The following RALGPS2 variants were observed in gnomAD, a reference collection of about 807,000 sequenced individuals.
RALGPS2 encodes the protein Ral GEF with PH domain and SH3 binding motif 2.
A neutral mutation model predicts 86.8 loss-of-function variants in RALGPS2; 43 were observed. That is an observed-to-expected ratio of 0.50 (90% CI 0.39 to 0.64). RALGPS2 has a LOEUF of 0.64. Among genes scored for constraint, RALGPS2 ranks in the 30% least tolerant of loss-of-function variants. RALGPS2 has a pLI of 0.00. For missense variants in RALGPS2, 536 were observed against 694.6 expected (o/e 0.77, Z 2.57); for synonymous variants, 243 against 231.3 (o/e 1.05, Z -0.46).
chr1:178,744,088 G>A (rs1331392730), intron 1 of RALGPS2, among the ~76,000 whole-genome samples: 1 of 152,100 alleles, frequency 6.6e-6, no homozygotes, highest in African/African-American at 2.4e-5. Flanking sequence ...ACTCACATGA[G>A]CATACATACA....
intron 1 of RALGPS2, among the ~76,000 whole-genome samples, chr1:178,771,471 C>T (rs1357001338): frequency 4.6e-5 from 7 of 152,196 alleles, no homozygotes; most frequent in Non-Finnish European, 1.0e-4. Flanking sequence ...GGAGTATCAT[C>T]ACATCCAGAG....
rs562837207 is a variant in RALGPS2, at chr1:178,833,767, A to G, written c.607+217A>G. 2.0e-5 allele frequency among the ~76,000 whole-genome samples: 3 copies of G among 152,276 alleles called. No individual in the cohort carries two copies. The East Asian group carries it at 5.8e-4, about 29-fold the overall frequency. ...GCCTTTTGCCCTCAAGGTTTTTCTT[A>G]GACTATTATGTTTTCTTAGAGTAGG... On this transcript the variant is annotated intron_variant, in intron 8 of 19. Coordinates refer to ENST00000367635, the MANE Select transcript of RALGPS2 (RefSeq NM_152663.5).
At position 178,764,710 on chromosome 1, in the gene RALGPS2, G is replaced by A. The variant is rs146262387; in HGVS notation, c.-83-11972G>A. 5.1e-3 allele frequency among the ~76,000 whole-genome samples: 781 copies of A among 152,144 alleles called. 9 individuals carry two copies. The highest frequency in any genetic ancestry group is 0.018 in the African/African-American group (744 of 41,488). ...CTGAAACAGATATTATTTCTTCTTC[G>A]CTTATGAAGCTTAGTTTGGCTAGAT... On this transcript the variant is annotated intron_variant, in intron 1 of 19. Transcript: ENST00000367635.
At chr1:178,729,055 C>T (rs1650191391) in intron 1 of RALGPS2, among the ~76,000 whole-genome samples, 1 of 152,138 alleles carries the variant, frequency 6.6e-6, no homozygotes, top group African/African-American at 2.4e-5. Flanking sequence ...ACTTTTGGTA[C>T]TGGCTTTTGA....
At chr1:178,849,156 C>T (rs1657024547) in intron 8 of RALGPS2, among the ~76,000 whole-genome samples, 4 of 152,178 alleles carry the variant, frequency 2.6e-5, no homozygotes, top group Admixed American at 2.6e-4. Context: ...TTTATAGATT[C>T]AGGCTGAGAT....
chr1:178,768,930 G>A (rs1434786283), intron 1 of RALGPS2, among the ~76,000 whole-genome samples: 2 of 152,220 alleles, frequency 1.3e-5, no homozygotes, highest in South Asian at 2.1e-4. Context: ...TGGGCATGGA[G>A]CAGAGATAGC....
At chr1:178,734,142 A>C (rs1479709013) in intron 1 of RALGPS2, among the ~76,000 whole-genome samples, 2 of 152,360 alleles carry the variant, frequency 1.3e-5, no homozygotes, top group South Asian at 2.1e-4. Flanking sequence ...CAGGAAAATG[A>C]AATCAAAACC....
At chr1:178,815,080 T>TTTTA (rs1295481425) in intron 6 of RALGPS2, among the ~76,000 whole-genome samples, 1 of 151,896 alleles carries the variant, frequency 6.6e-6, no homozygotes. Context: ...GTTTGTTTGT[T>TTTTA]TTTATTTATT....
At position 178,807,910 on chromosome 1, in the gene RALGPS2, A is replaced by G. The variant is rs1375335452; in HGVS notation, c.214-135A>G. The stretch of plus-strand genomic sequence containing the variant: ...TTTTGTGATCCAACTGAATGGATAT[A>G]ATATTATGTATGTTCCCATTAAATA... On this transcript the variant is annotated intron_variant, in intron 4 of 19. Coordinates refer to ENST00000367635, the MANE Select transcript of RALGPS2 (RefSeq NM_152663.5). 12 of 686,748 alleles carry G rather than the reference A, an allele frequency of 1.7e-5. No homozygotes were observed. In the Admixed American group the frequency reaches 3.3e-4, roughly 19 times the overall value. 42.5% of individuals were successfully genotyped at this position (686,748 alleles called of 1,614,324 possible).
rs374945384 is a variant in RALGPS2 at position 178,892,651 on chromosome 1, G to T, written c.1325+344G>T. Among the ~76,000 whole-genome samples, 5 of 152,160 alleles carry T rather than the reference G, an allele frequency of 3.3e-5. No individual in the cohort carries two copies. The East Asian group carries it at 7.7e-4, about 24-fold the overall frequency. ...TCTTTATTCATAAGTTGTAATCAAA[G>T]CATTTTCTTTGCTAATAAATTTATA... is the stretch of plus-strand genomic sequence containing the variant. On this transcript the variant is annotated intron_variant, in intron 15 of 19. Coordinates refer to ENST00000367635, the MANE Select transcript of RALGPS2 (RefSeq NM_152663.5).
chr1:178,767,101 T>A (rs1652541454), intron 1 of RALGPS2, among the ~76,000 whole-genome samples: 1 of 152,200 alleles, frequency 6.6e-6, no homozygotes, highest in African/African-American at 2.4e-5. Context: ...TCATCTTTTA[T>A]CTCCTGTATT....
chr1:178,896,347 A>G (rs1659937104), intron 16 of RALGPS2, among the ~76,000 whole-genome samples: 1 of 152,058 alleles, frequency 6.6e-6, no homozygotes, highest in Non-Finnish European at 1.5e-5. Flanking sequence ...GAGATGGGTC[A>G]AAGGAGGGAT....
intron 1 of RALGPS2, among the ~76,000 whole-genome samples, chr1:178,757,579 G>A (rs1241262942): frequency 1.3e-5 from 2 of 152,104 alleles, no homozygotes; most frequent in African/African-American, 4.8e-5. Flanking sequence ...TTCTGTTTAT[G>A]TGGTGAATCA....
intron 1 of RALGPS2, among the ~76,000 whole-genome samples, chr1:178,730,382 T>A (rs1471099910): frequency 6.6e-6 from 1 of 152,266 alleles, no homozygotes; most frequent in Non-Finnish European, 1.5e-5. Flanking sequence ...ATGCTTTTGA[T>A]TAAATCAGCA....
At chr1:178,862,249 A>T (rs1658073733) in intron 8 of RALGPS2, among the ~76,000 whole-genome samples, 1 of 152,154 alleles carries the variant, frequency 6.6e-6, no homozygotes, top group Admixed American at 6.5e-5. Context: ...AGAACAGTAT[A>T]AAATGAACAA....
chr1:178,804,318 G>T, intron 4 of RALGPS2, among the ~76,000 whole-genome samples: 1 of 138,788 alleles, frequency 7.2e-6, no homozygotes. Context: ...GGGTACATGT[G>T]CACATTGTGC....
chr1:178,758,220 T>C (rs150273893), intron 1 of RALGPS2, among the ~76,000 whole-genome samples: 1 of 152,140 alleles, frequency 6.6e-6, no homozygotes, highest in Non-Finnish European at 1.5e-5. Flanking sequence ...ATATAACCTT[T>C]CAAAGAACCA....
At chr1:178,839,539 T>C (rs1440552450) in intron 8 of RALGPS2, among the ~76,000 whole-genome samples, 2 of 152,066 alleles carry the variant, frequency 1.3e-5, no homozygotes, top group African/African-American at 2.4e-5. Flanking sequence ...GAACAACTGG[T>C]ACCAGCCACT....
At chr1:178,846,066 TTCTA>T (rs1336707868) in intron 8 of RALGPS2, among the ~76,000 whole-genome samples, 2 of 152,228 alleles carry the variant, frequency 1.3e-5, no homozygotes, top group Non-Finnish European at 2.9e-5. Flanking sequence ...TTTTAGAAAT[TTCTA>T]ACTCATGTAA....
Sources: allele counts gnomAD v4.1 joint callset (sites outside exome capture counted in the v4.1 genomes callset), GRCh38; gene constraint gnomAD v4.1.1; transcripts MANE v1.5; gene names NCBI Gene and HGNC (gene_info 2026-07-23, HGNC 2026-07-21).